The following DHDH variants were observed in gnomAD, a reference collection of about 807,000 sequenced individuals.
DHDH encodes the protein trans-1,2-dihydrobenzene-1,2-diol dehydrogenase.
DHDH carries 29 observed loss-of-function variants against 33.2 expected under a neutral mutation model. The ratio of observed to expected loss-of-function variants is 0.87; its 90% CI spans 0.65 to 1.19. The LOEUF (loss-of-function observed/expected upper bound fraction) is 1.19. DHDH is among the 50% of genes most tolerant of loss of function. The pLI is 0.00. For synonymous variants in DHDH, 201 were observed against 187.9 expected (o/e 1.07, Z -0.57); for missense variants, 431 against 455.0 (o/e 0.95, Z 0.48).
intron 3 of DHDH, 126 bp downstream of exon 3, chr19:48,936,321 T>C (rs1438071984): frequency 7.8e-7 from 1 of 1,287,282 alleles, no homozygotes; most frequent in Non-Finnish European, 1.0e-6. Context: ...CAGCATCTAT[T>C]ACCGTGAAAG....
In DHDH at chr19:48,939,525, G is replaced by T; in HGVS notation, c.443G>T (p.Arg148Leu). ...GCCCAGGGAACTCTAGGAGACCTCC[G>T]GGTGGCTCGGGCAGAATTTGGGAAG... ...VLAQGTLGDL[R>L]VARAEFGKNL... The change falls in exon 4 of 7, where the codon CGG becomes CTG. Residue 148 changes from arginine (R) to leucine (L), a missense_variant. Coordinates refer to ENST00000221403, the MANE Select transcript of DHDH (RefSeq NM_014475.4). 1 of 1,614,096 alleles carries T rather than the reference G, an allele frequency of 6.2e-7. No homozygotes were observed. The highest frequency in any genetic ancestry group is 8.5e-7 in the Non-Finnish European group (1 of 1,180,020).
At chr19:48,937,617 CCTGT>C (rs958329014) in intron 3 of DHDH, among the ~76,000 whole-genome samples, 3 of 151,692 alleles carry the variant, frequency 2.0e-5, no homozygotes, top group African/African-American at 4.8e-5. Context: ...TCGAGACCAT[CCTGT>C]CTAACACAGT....
rs1471499557 is a variant in DHDH at position 48,936,082 on chromosome 19, C to T, written c.253C>T (p.Leu85=). The T allele has an allele frequency of 6.2e-7, 1 of 1,610,792 alleles. No homozygotes were observed. Among genetic ancestry groups the T allele is most frequent in the Non-Finnish European group, 8.5e-7 (1 of 1,179,150 alleles). The change falls in exon 3 of 7, where the codon CTG becomes TTG. Residue 85 remains leucine, a synonymous_variant. Coordinates refer to ENST00000221403, the MANE Select transcript of DHDH (RefSeq NM_014475.4). The part of the protein sequence containing the change: ...QHPQHKAAVM[L]CLAAGKAVLC... ...CCCCCAGCACAAGGCGGCGGTGATG[C>T]TGTGCTTGGCGGCGGGCAAGGCCGT...
At chr19:48,944,741 G>A (rs2037916978) in intron 6 of DHDH, 83 bp from the exon 7 acceptor site, 2 of 1,336,822 alleles carry the variant, frequency 1.5e-6, no homozygotes, top group African/African-American at 1.4e-5. Context: ...TGTATATTGT[G>A]CCACATGGAA....
At position 48,942,581 on chromosome 19, in the gene DHDH, C is replaced by G. The variant is rs777973851; in HGVS notation, c.744+17C>G. ...ATGGTACAGGTGAGGCATGGCGGGC[C>G]CAAGCGCTGGGGATCGTGCCCCTAA... On this transcript the variant is annotated intron_variant, in intron 5 of 6. Coordinates refer to ENST00000221403, the MANE Select transcript of DHDH (RefSeq NM_014475.4). 1 of 1,606,222 alleles carries G rather than the reference C, an allele frequency of 6.2e-7. No individual in the cohort carries two copies. Among genetic ancestry groups the G allele is most frequent in the Non-Finnish European group, 8.5e-7 (1 of 1,174,526 alleles).
chr19:48,939,435 C>T lies in DHDH; in HGVS notation c.367-14C>T, dbSNP rs755465801. 7 of 1,606,112 alleles carry T rather than the reference C, an allele frequency of 4.4e-6. No homozygotes were observed. In the South Asian group the frequency reaches 4.4e-5, roughly 10 times the overall value. ...TAGAACTGGTTGGTTAACTCCTTTC[C>T]TTGTGGTCTGCAGGCCATCTGGACC... On this transcript the variant is annotated splice_polypyrimidine_tract_variant and intron_variant, in intron 3 of 6. Transcript: ENST00000221403.
intron 2 of DHDH, 79 bp from the exon 3 acceptor site, chr19:48,935,953 C>G: frequency 6.5e-7 from 1 of 1,531,760 alleles, no homozygotes. Flanking sequence ...GGTGCTAGGG[C>G]GGGGCCTCGA....
intron 4 of DHDH, 96 bp downstream of exon 4, chr19:48,939,797 A>G: frequency 6.8e-7 from 1 of 1,478,668 alleles, no homozygotes; most frequent in South Asian, 1.4e-5. Context: ...AATGAGAATT[A>G]GATCAGACAC....
intron 4 of DHDH, 36 bp from the exon 5 acceptor site, chr19:48,942,404 T>C (rs776947618): frequency 1.3e-6 from 2 of 1,553,116 alleles, no homozygotes; most frequent in Non-Finnish European, 1.8e-6. Context: ...GACTCTGCCC[T>C]GAGAGACCCT....
chr19:48,933,902 T>C, intron 1 of DHDH, 91 bp downstream of exon 1: 2 of 1,194,820 alleles, frequency 1.7e-6, no homozygotes, highest in East Asian at 2.6e-5. Flanking sequence ...TCAGGACTAG[T>C]GAGTGGGTCG....
intron 4 of DHDH, among the ~76,000 whole-genome samples, chr19:48,940,634 A>T (rs965181070): frequency 1.3e-5 from 2 of 152,030 alleles, no homozygotes; most frequent in African/African-American, 4.8e-5. Flanking sequence ...TGCGCGGATC[A>T]CTTGAGGCCA....
intron 3 of DHDH, among the ~76,000 whole-genome samples, chr19:48,936,713 AAC>A (rs1381440972): frequency 2.9e-5 from 4 of 136,436 alleles, no homozygotes; most frequent in East Asian, 2.7e-4. Context: ...AAAAAAAACA[AAC>A]AAAAAAAAAA....
intron 5 of DHDH, among the ~76,000 whole-genome samples, chr19:48,943,064 A>AT (rs1468462957): frequency 4.9e-4 from 72 of 146,684 alleles, no homozygotes; most frequent in Non-Finnish European, 7.0e-4. Flanking sequence ...TCAAAAAAAA[A>AT]AATATATATA....
Position 48,939,471 on chromosome 19 carries a change from C to T in DHDH, c.389C>T (p.Pro130Leu), listed in dbSNP as rs2037825265. Residue 130 changes from proline to leucine, a missense_variant, in exon 4 of 7, where the codon CCT becomes CTT. Pro to Leu is a moderately conservative substitution (Grantham distance 98). Coordinates refer to ENST00000221403, the MANE Select transcript of DHDH (RefSeq NM_014475.4). Reference protein sequence around the residue: ...LMEAIWTRFFPASEALRSVLA... With the variant: ...LMEAIWTRFFLASEALRSVLA... ...CAGGCCATCTGGACCCGCTTCTTTC[C>T]TGCCTCCGAGGCTCTGAGGTCTGTT... 1 of 1,613,044 alleles carries T rather than the reference C, an allele frequency of 6.2e-7. No individual in the cohort carries two copies. Among genetic ancestry groups the T allele is most frequent in the Non-Finnish European group, 8.5e-7 (1 of 1,179,190 alleles).
rs2037810117 is a variant in DHDH at position 48,938,398 on chromosome 19, C to T, written c.367-1051C>T. 2.0e-5 allele frequency among the ~76,000 whole-genome samples: 3 copies of T among 151,958 alleles called. 1 individual carries two copies. In the South Asian group the frequency reaches 6.2e-4, roughly 32 times the overall value. ...AGGCATGAGCCACAGCGCCCAGCCCCCAGTTCCAGGAGTTTTTTTTTGTTG... is the reference window on the plus strand; with the variant it reads ...AGGCATGAGCCACAGCGCCCAGCCCTCAGTTCCAGGAGTTTTTTTTTGTTG... On this transcript the variant is annotated intron_variant, in intron 3 of 6. Coordinates refer to ENST00000221403, the MANE Select transcript of DHDH (RefSeq NM_014475.4).
intron 6 of DHDH, 146 bp from the exon 7 acceptor site, chr19:48,944,678 A>G (rs989547845): frequency 8.3e-7 from 1 of 1,198,506 alleles, no homozygotes; most frequent in African/African-American, 1.5e-5. Flanking sequence ...TCTCACTCCA[A>G]AAAAAGAACT....
At chr19:48,936,852 C>G (rs1363055709) in intron 3 of DHDH, among the ~76,000 whole-genome samples, 1 of 151,808 alleles carries the variant, frequency 6.6e-6, no homozygotes, top group East Asian at 2.0e-4. Context: ...GGCGCGATCT[C>G]GGCTCACTGC....
At chr19:48,943,733 G>C (rs1375331892) in intron 5 of DHDH, among the ~76,000 whole-genome samples, 1 of 151,992 alleles carries the variant, frequency 6.6e-6, no homozygotes, top group Admixed American at 6.6e-5. Context: ...GGCTGAGGCA[G>C]GAGAATTGCC....
rs371514192 is a variant in DHDH at position 48,933,710 on chromosome 19, C to A, written c.-12C>A. On this transcript the variant is annotated 5_prime_UTR_variant, in exon 1 of 7. Coordinates refer to ENST00000221403, the MANE Select transcript of DHDH (RefSeq NM_014475.4). ...GAGGGACCGAAGGTGCCGAGGGCTC[C>A]GCATCGCAACCATGGCGCTGCGCTG... 6.2e-7 allele frequency: 1 copy of A among 1,613,026 alleles called. No individual in the cohort carries two copies. Among genetic ancestry groups the A allele is most frequent in the Non-Finnish European group, 8.5e-7 (1 of 1,179,848 alleles).
Sources: gnomAD v4.1 joint callset for allele counts (sites outside exome capture counted in the v4.1 genomes callset) on GRCh38, gnomAD v4.1.1 for gene constraint, MANE v1.5 for transcripts, NCBI Gene and HGNC (gene_info 2026-07-23, HGNC 2026-07-21) for gene names.